Variants in CFAP99 observed in about 807,000 individuals in gnomAD.
CFAP99 encodes cilia and flagella associated protein 99.
A neutral mutation model predicts 82.7 loss-of-function variants in CFAP99; 84 were observed. The ratio of observed to expected loss-of-function variants is 1.02; its 90% CI spans 0.85 to 1.22. The LOEUF is 1.22. Ranked by LOEUF, CFAP99 falls within the 50% of genes most tolerant of loss-of-function variation. CFAP99 has a pLI of 0.00. For synonymous variants in CFAP99, 456 were observed against 429.5 expected (o/e 1.06, Z -0.76); for missense variants, 1,059 against 983.5 (o/e 1.08, Z -1.03).
intron 1 of CFAP99, among the ~76,000 whole-genome samples, chr4:2,424,806 C>T (rs77913099): frequency 0.019 from 2,871 of 152,350 alleles, 73 homozygotes; most frequent in African/African-American, 0.062. Flanking sequence ...TCTTCCTGCA[C>T]TGAACGTGTT....
chr4:2,452,482 G>T (rs1310278114), intron 11 of CFAP99, 136 bp downstream of exon 11: 1 of 929,788 alleles, frequency 1.1e-6, no homozygotes, highest in African/African-American at 1.6e-5. Context: ...TGTTGGTCCT[G>T]GCTCCTCTTC....
intron 5 of CFAP99, among the ~76,000 whole-genome samples, chr4:2,444,291 G>A (rs749641629): frequency 3.9e-5 from 6 of 152,142 alleles, no homozygotes; most frequent in African/African-American, 9.7e-5. Context: ...CTCAGTTCCC[G>A]TGAGCCCCTC....
rs189087481 is a variant in CFAP99, at chr4:2,425,997, C to T, written c.-17-462C>T. Among the ~76,000 whole-genome samples, 10 of 152,330 alleles carry T rather than the reference C, an allele frequency of 6.6e-5. No individual in the cohort carries two copies. The East Asian group carries it at 1.9e-3, about 29-fold the overall frequency. ...CCCTCACCCAGGACCTTCTGCTCCC[C>T]AGCAGGGCCTGATGAAGAAACCGTC... On this transcript the variant is annotated intron_variant, in intron 1 of 14. Coordinates refer to ENST00000635017, the Ensembl canonical transcript of CFAP99.
At chr4:2,460,741 CTG>C (rs1734602700) in intron 14 of CFAP99, among the ~76,000 whole-genome samples, 1 of 152,102 alleles carries the variant, frequency 6.6e-6, no homozygotes, top group African/African-American at 2.4e-5. Flanking sequence ...TGTTGGCCAA[CTG>C]TTTTTTGTTT....
rs1553874754 is a variant in CFAP99 at position 2,448,020 on chromosome 4, A to AATGAATGG, written c.643-1647_643-1646insAATGGATG. ...AAGTAGATGGATGGATAAGTGGATG[A>AATGAATGG]ATGGATGGATGGATGGATGGATGAT... On this transcript the variant is annotated intron_variant, in intron 6 of 14. Coordinates refer to ENST00000635017, the Ensembl canonical transcript of CFAP99. This position sits in a 1 kb window ranked among gnomAD's most constrained non-coding sequence, Gnocchi z 5.2. Among the ~76,000 whole-genome samples, 1 of 141,786 alleles carries AATGAATGG rather than the reference A, an allele frequency of 7.1e-6. No individual in the cohort carries two copies. The highest frequency in any genetic ancestry group is 6.9e-5 in the Admixed American group (1 of 14,438). The allele number at this position is 141,786 out of a possible 152,430, so 93.0% of individuals were successfully genotyped here. A position where few individuals can be genotyped will look rare whatever the true frequency, so the allele number is the denominator to read the frequency against.
chr4:2,462,586 C>A lies in CFAP99; in HGVS notation c.1805C>A (p.Thr602Asn). 1 of 1,427,582 alleles carries A rather than the reference C, an allele frequency of 7.0e-7. No homozygotes were observed. The highest frequency in any genetic ancestry group is 9.1e-7 in the Non-Finnish European group (1 of 1,093,554). The allele number at this position is 1,427,582 out of a possible 1,614,324, so 88.4% of individuals were successfully genotyped here. A position where few individuals can be genotyped will look rare whatever the true frequency, so the allele number is the denominator to read the frequency against. Residue 602 changes from threonine (T) to asparagine (N), a missense_variant, in exon 15 of 15, where the codon ACC becomes AAC. Transcript: ENST00000635017. The surrounding 1 kb of genome is among the most constrained non-coding windows in gnomAD (Gnocchi z 4.1). ...TTGCTGCACGTGTCGGCGCCGCGGA[C>A]CGCGCGCCCCAAGCCCCGGGTGAGT...
chr4:2,443,216 G>T lies in CFAP99; in HGVS notation c.438G>T (p.Lys146Asn). The stretch of plus-strand genomic sequence containing the variant: ...TCATCTACGAGCCAGCCCACGTGAA[G>T]GAGAACTGGATCGACCCCCTGATGA... The change falls in exon 5 of 15, where the codon AAG (lysine) becomes AAT (asparagine). Residue 146 changes from lysine to asparagine, a missense_variant. Transcript: ENST00000635017. 1 of 1,535,622 alleles carries T rather than the reference G, an allele frequency of 6.5e-7. No homozygotes were observed. The highest frequency in any genetic ancestry group is 2.4e-5 in the East Asian group (1 of 40,916).
At chr4:2,453,428 C>T (rs529224166) in intron 11 of CFAP99, among the ~76,000 whole-genome samples, 5 of 152,246 alleles carry the variant, frequency 3.3e-5, no homozygotes, top group East Asian at 1.9e-4. Flanking sequence ...CCGTTTGGGA[C>T]GCGTGGTTTT....
chr4:2,433,236 C>A (rs540235795), intron 2 of CFAP99, among the ~76,000 whole-genome samples: 1 of 152,330 alleles, frequency 6.6e-6, no homozygotes, highest in East Asian at 1.9e-4. Flanking sequence ...AATGCATGCT[C>A]ACACTTCCCA....
intron 11 of CFAP99, among the ~76,000 whole-genome samples, chr4:2,454,594 G>GGTTTTTTTTTTTTTTGTTTTTTTTT (rs1560388808): frequency 2.4e-5 from 2 of 84,536 alleles, no homozygotes; most frequent in African/African-American, 8.4e-5. Context: ...TTTTTTTTTT[G>GGTTTTTTTTTTTTTTGTTTTTTTTT]TTTTTTTTTT....
At chr4:2,436,940 C>T (rs1404229418) in exon 3 of CFAP99, 3 of 1,536,086 alleles carry the variant, frequency 2.0e-6, no homozygotes, top group East Asian at 2.4e-5. Context: ...GTACCGGAAG[C>T]TGCTGACCGT....
intron 13 of CFAP99, among the ~76,000 whole-genome samples, chr4:2,459,727 G>T (rs919426647): frequency 6.6e-6 from 1 of 152,222 alleles, no homozygotes; most frequent in African/African-American, 2.4e-5. Flanking sequence ...CCAGCCCCGA[G>T]GCCATGGGGA....
intron 3 of CFAP99, 130 bp downstream of exon 3, chr4:2,437,148 T>G (rs1451892993): frequency 8.9e-7 from 1 of 1,117,800 alleles, no homozygotes; most frequent in African/African-American, 1.6e-5. Context: ...CACTGGAGGC[T>G]TCCCGGCTCC....
At chr4:2,419,736 G>A (rs1262533200) in intron 1 of CFAP99, among the ~76,000 whole-genome samples, 1 of 152,080 alleles carries the variant, frequency 6.6e-6, no homozygotes, top group African/African-American at 2.4e-5. Context: ...GCCTAGGCGC[G>A]CTGGCATCTA....
At chr4:2,441,098 G>A (rs1436514473) in intron 4 of CFAP99, among the ~76,000 whole-genome samples, 1 of 150,376 alleles carries the variant, frequency 6.6e-6, no homozygotes, top group African/African-American at 2.4e-5. Flanking sequence ...AATAATAATT[G>A]TTGAGGCCGG....
chr4:2,460,030 C>A lies in CFAP99; in HGVS notation c.1456-7C>A. On this transcript the variant is annotated splice_polypyrimidine_tract_variant and splice_region_variant and intron_variant, in intron 13 of 14. Transcript: ENST00000635017. ...CCCAGCTTGGGGCCTCCCCTACCAC[C>A]CCACAGATCCCCGGCTACGGCCTGG... is the stretch of plus-strand genomic sequence containing the variant. The A allele has an allele frequency of 1.3e-6, 2 of 1,535,608 alleles. No individual in the cohort carries two copies. The highest frequency in any genetic ancestry group is 2.4e-5 in the South Asian group (2 of 84,008).
intron 1 of CFAP99, among the ~76,000 whole-genome samples, chr4:2,425,372 C>G (rs565532267): frequency 6.6e-5 from 10 of 152,292 alleles, no homozygotes; most frequent in Non-Finnish European, 5.9e-5. Context: ...TCAGCACGGC[C>G]AGGATCGGTG....
chr4:2,421,377 T>G lies in CFAP99; in HGVS notation c.-18+2284T>G, dbSNP rs1813860. Among the ~76,000 whole-genome samples, 366 of 112,508 alleles carry G rather than the reference T, an allele frequency of 3.3e-3. 6 individuals carry two copies. Among genetic ancestry groups the G allele is most frequent in the African/African-American group, 0.01 (313 of 30,286 alleles). 73.8% of individuals were successfully genotyped at this position (112,508 alleles called of 152,430 possible). On this transcript the variant is annotated intron_variant, in intron 1 of 14. Transcript: ENST00000635017. ...TTTTTTTTTTTTTTTTTTTTTGAGA[T>G]GGCGTCTCGCTCTGTCGCCCAGGCT...
Position 2,446,805 on chromosome 4 carries a change from A to G in CFAP99, c.642+1497A>G, listed in dbSNP as rs1257930399. On this transcript the variant is annotated intron_variant, in intron 6 of 14. Transcript: ENST00000635017. This position sits in a 1 kb window ranked among gnomAD's most constrained non-coding sequence, Gnocchi z 5.0. ...GGATTATCAGATGGATGGTAGATGGATGGGTGGATGAATGGATGGATGGAT... is the reference window on the plus strand; with the variant it reads ...GGATTATCAGATGGATGGTAGATGGGTGGGTGGATGAATGGATGGATGGAT... 6.9e-6 allele frequency among the ~76,000 whole-genome samples: 1 copy of G among 144,330 alleles called. No homozygotes were observed. Among genetic ancestry groups the G allele is most frequent in the East Asian group, 2.2e-4 (1 of 4,640 alleles). The allele number at this position is 144,330 out of a possible 152,430, so 94.7% of individuals were successfully genotyped here.
Sources: gnomAD v4.1 joint callset for allele counts (sites outside exome capture counted in the v4.1 genomes callset) on GRCh38, gnomAD v4.1.1 for gene constraint, Gnocchi (gnomAD v3.1) non-coding constraint, MANE v1.5 for transcripts, NCBI Gene and HGNC (gene_info 2026-07-23, HGNC 2026-07-21) for gene names.